Variants in PICALM observed in about 807,000 individuals in gnomAD.
PICALM encodes the protein phosphatidylinositol binding clathrin assembly protein, also known as phosphatidylinositol-binding clathrin assembly protein.
Under a neutral mutation model 80.5 loss-of-function variants are expected in PICALM, and 40 were observed. The observed-to-expected ratio is 0.50, with a 90% CI of 0.39 to 0.65. PICALM has a LOEUF of 0.65. PICALM is among the 30% of genes least tolerant of loss of function. PICALM has a pLI of 0.00. For synonymous variants in PICALM, 288 were observed against 260.3 expected (o/e 1.11, Z -1.02); for missense variants, 676 against 778.9 (o/e 0.87, Z 1.57).
chr11:85,960,310 G>A (rs1191266818), intron 19 of PICALM, among the ~76,000 whole-genome samples: 1 of 152,154 alleles, frequency 6.6e-6, no homozygotes, highest in Non-Finnish European at 1.5e-5. Context: ...GCATCAAGAA[G>A]AACAAATTAC....
chr11:85,969,579 C>T (rs187566887), intron 19 of PICALM: 337 of 296,334 alleles, frequency 1.1e-3, no homozygotes, highest in African/African-American at 7.0e-3. Context: ...CTTTTGGTTT[C>T]GGCTAGCATT....
intron 19 of PICALM, among the ~76,000 whole-genome samples, chr11:85,963,239 C>A (rs1049127601): frequency 6.6e-6 from 1 of 152,128 alleles, no homozygotes; most frequent in African/African-American, 2.4e-5. Context: ...ACATAAAGCA[C>A]AAAATCATCA....
chr11:86,004,307 A>G (rs2095228655), intron 8 of PICALM, among the ~76,000 whole-genome samples: 1 of 152,218 alleles, frequency 6.6e-6, no homozygotes, highest in Non-Finnish European at 1.5e-5. Context: ...AAAAGCCAGA[A>G]TGCAAAAGTA....
chr11:86,052,604 T>C (rs2096208103), intron 1 of PICALM, among the ~76,000 whole-genome samples: 1 of 152,212 alleles, frequency 6.6e-6, no homozygotes, highest in South Asian at 2.1e-4. Context: ...TACAAAAACT[T>C]GAAGCAGCAA....
chr11:86,043,463 T>G lies in PICALM; in HGVS notation c.131-11852A>C, dbSNP rs754685110. Among the ~76,000 whole-genome samples the G allele has an allele frequency of 2.6e-5, 4 of 152,326 alleles. No homozygotes were observed. The East Asian group carries it at 5.8e-4, about 22-fold the overall frequency. Reference sequence around the variant, plus strand: ...TCTGGGGGAGTTAGAGACATTAGAATTTTTCACCTCTGTGTCCAAAAACAT... The same window carrying G: ...TCTGGGGGAGTTAGAGACATTAGAAGTTTTCACCTCTGTGTCCAAAAACAT... On this transcript the variant is annotated intron_variant, in intron 1 of 19. Coordinates refer to ENST00000393346, the MANE Select transcript of PICALM (RefSeq NM_007166.4).
At chr11:86,017,118 G>T (rs1226986026) in intron 4 of PICALM, among the ~76,000 whole-genome samples, 1 of 152,176 alleles carries the variant, frequency 6.6e-6, no homozygotes, top group East Asian at 1.9e-4. Context: ...AGATACTCGG[G>T]AGGCTGAGGT....
At chr11:86,013,886 A>T (rs1407027276) in intron 5 of PICALM, among the ~76,000 whole-genome samples, 1 of 152,234 alleles carries the variant, frequency 6.6e-6, no homozygotes, top group South Asian at 2.1e-4. Context: ...GCCATAGATA[A>T]TATGTATCAG....
At chr11:85,982,423 C>CTTTTTTTTTTTTTTTTTTTTTTTT (rs59672357) in intron 14 of PICALM, among the ~76,000 whole-genome samples, 2 of 70,172 alleles carry the variant, frequency 2.9e-5, no homozygotes, top group African/African-American at 6.5e-5. Context: ...ATTTTATAGA[C>CTTTTTTTTTTTTTTTTTTTTTTTT]TTTTTTTTTT....
At chr11:85,962,986 TAC>T (rs1205078847) in intron 19 of PICALM, among the ~76,000 whole-genome samples, 8 of 152,268 alleles carry the variant, frequency 5.3e-5, no homozygotes, top group Admixed American at 1.3e-4. Context: ...GTAGCCCAAT[TAC>T]TGCTCAGGAA....
chr11:86,033,111 TA>T (rs1377240782), intron 1 of PICALM, among the ~76,000 whole-genome samples: 1 of 152,032 alleles, frequency 6.6e-6, no homozygotes, highest in East Asian at 1.9e-4. Flanking sequence ...CTTCTGAGAG[TA>T]AAAAATGGAA....
intron 7 of PICALM, among the ~76,000 whole-genome samples, chr11:86,009,537 C>G (rs1010893783): frequency 1.3e-5 from 2 of 151,956 alleles, no homozygotes; most frequent in African/African-American, 2.4e-5. Flanking sequence ...ACTAAAAATA[C>G]AAAAATTAGC....
intron 8 of PICALM, among the ~76,000 whole-genome samples, chr11:86,005,428 A>G (rs1258741374): frequency 1.3e-5 from 2 of 152,152 alleles, no homozygotes; most frequent in East Asian, 3.9e-4. Flanking sequence ...GGCTGGGCAC[A>G]GTGACTCACA....
At chr11:86,036,351 T>C (rs1463355303) in intron 1 of PICALM, among the ~76,000 whole-genome samples, 1 of 152,238 alleles carries the variant, frequency 6.6e-6, no homozygotes, top group African/African-American at 2.4e-5. Context: ...AAGATGTAAC[T>C]GTTAAAATTT....
chr11:86,047,942 A>T (rs796261607), intron 1 of PICALM, among the ~76,000 whole-genome samples: 15 of 152,154 alleles, frequency 9.9e-5, no homozygotes, highest in African/African-American at 3.6e-4. Flanking sequence ...TCTACTAAAA[A>T]TATAAAAAAT....
intron 18 of PICALM, among the ~76,000 whole-genome samples, 166 bp from the exon 19 acceptor site, chr11:85,974,978 A>AT (rs35574680): frequency 2.7e-4 from 41 of 151,520 alleles, no homozygotes; most frequent in Admixed American, 1.6e-3. Flanking sequence ...TTTCGAGAGT[A>AT]TTTTTTTTTC....
At chr11:86,036,953 A>AAAAAAAAAC (rs1159424366) in intron 1 of PICALM, among the ~76,000 whole-genome samples, 1 of 151,198 alleles carries the variant, frequency 6.6e-6, no homozygotes, top group Non-Finnish European at 1.5e-5. Context: ...ACCAAAAAAA[A>AAAAAAAAAC]AAAATTTTTT....
intron 1 of PICALM, among the ~76,000 whole-genome samples, chr11:86,040,517 T>C (rs908042375): frequency 5.3e-5 from 8 of 152,170 alleles, no homozygotes; most frequent in Non-Finnish European, 1.2e-4. Context: ...TTACTTTTTA[T>C]AGTAATCTTT....
intron 19 of PICALM, among the ~76,000 whole-genome samples, chr11:85,970,563 C>T (rs956345410): frequency 6.6e-6 from 1 of 152,190 alleles, no homozygotes. Flanking sequence ...CACCTGTAAT[C>T]CCAACACTTT....
intron 1 of PICALM, among the ~76,000 whole-genome samples, chr11:86,067,823 G>GC (rs1186662205): frequency 1.3e-5 from 2 of 152,158 alleles, no homozygotes; most frequent in Non-Finnish European, 2.9e-5. Context: ...CATGTGAAAA[G>GC]CTGGGGGGCA....
Sources: allele counts gnomAD v4.1 joint callset (sites outside exome capture counted in the v4.1 genomes callset), GRCh38; gene constraint gnomAD v4.1.1; transcripts MANE v1.5; gene names NCBI Gene and HGNC (gene_info 2026-07-23, HGNC 2026-07-21).